The following CHSY3 variants were observed in gnomAD, a reference collection of about 807,000 sequenced individuals.
The protein encoded by CHSY3 is N-acetylgalactosaminyl-proteoglycan 3-beta-glucuronosyltransferase 3.
Under a neutral mutation model 67.2 loss-of-function variants are expected in CHSY3, and 35 were observed. The observed-to-expected ratio is 0.52, with a 90% CI of 0.40 to 0.69. The LOEUF is 0.69. CHSY3 is among the 30% of genes least tolerant of loss of function. CHSY3 has a pLI of 0.00. For missense variants in CHSY3, 1,069 were observed against 1,138.5 expected (o/e 0.94, Z 0.88); for synonymous variants, 474 against 434.7 (o/e 1.09, Z -1.12).
intron 2 of CHSY3, among the ~76,000 whole-genome samples, chr5:130,009,107 C>A (rs902995310): frequency 2.6e-5 from 4 of 152,128 alleles, no homozygotes; most frequent in Non-Finnish European, 5.9e-5. Context: ...TCAGTAAATT[C>A]AGAGAATCCT....
chr5:130,085,492 TTC>T, intron 2 of CHSY3, among the ~76,000 whole-genome samples: 1 of 152,134 alleles, frequency 6.6e-6, no homozygotes, highest in Non-Finnish European at 1.5e-5. Context: ...TATTTGATTC[TTC>T]TCTCTTTTCT....
intron 2 of CHSY3, among the ~76,000 whole-genome samples, chr5:130,149,629 A>G (rs1769176577): frequency 6.6e-6 from 1 of 152,194 alleles, no homozygotes. Context: ...AGGGACAAAC[A>G]TCCAAACTAT....
At chr5:130,123,284 T>C (rs1332275785) in intron 2 of CHSY3, among the ~76,000 whole-genome samples, 1 of 152,222 alleles carries the variant, frequency 6.6e-6, no homozygotes, top group African/African-American at 2.4e-5. Flanking sequence ...CTAATGAATA[T>C]GCTGATTTTT....
In CHSY3 at chr5:129,949,077, C is replaced by T. The variant is rs150642683; in HGVS notation, c.1086+40717C>T. On this transcript the variant is annotated intron_variant, in intron 2 of 2. Transcript: ENST00000305031. ...CTTTTTAATGATAAAAGGACTAGTCCAACAGGAAACTATCACAGTCACATG... is the reference window on the plus strand; with the variant it reads ...CTTTTTAATGATAAAAGGACTAGTCTAACAGGAAACTATCACAGTCACATG... Among the ~76,000 whole-genome samples, 417 of 152,134 alleles carry T rather than the reference C, an allele frequency of 2.7e-3. 1 individual carries two copies. Among genetic ancestry groups the T allele is most frequent in the Non-Finnish European group, 3.9e-3 (262 of 68,004 alleles).
rs142219321 is a variant in CHSY3 at position 130,021,950 on chromosome 5, C to T, written c.1086+113590C>T. ...GTGCCATCTATTGGAAAGATCCATA[C>T]GTAGTCAGATCCATGGAGTACAGGA... is the stretch of plus-strand genomic sequence containing the variant. On this transcript the variant is annotated intron_variant, in intron 2 of 2. Coordinates refer to ENST00000305031, the MANE Select transcript of CHSY3 (RefSeq NM_175856.5). 1.3e-3 allele frequency among the ~76,000 whole-genome samples: 191 copies of T among 152,140 alleles called. 1 individual carries two copies. Among genetic ancestry groups the T allele is most frequent in the Non-Finnish European group, 1.8e-3 (125 of 67,936 alleles).
chr5:130,137,753 C>G (rs1241803567), intron 2 of CHSY3, among the ~76,000 whole-genome samples: 1 of 152,082 alleles, frequency 6.6e-6, no homozygotes, highest in African/African-American at 2.4e-5. Flanking sequence ...ACAGGACAAA[C>G]ATGATGATCA....
chr5:130,011,896 A>T (rs1764072243), intron 2 of CHSY3, among the ~76,000 whole-genome samples: 1 of 152,220 alleles, frequency 6.6e-6, no homozygotes, highest in South Asian at 2.1e-4. Context: ...CTGAGAATAC[A>T]GCTAACCAAG....
At chr5:129,932,103 CATATATATATATATATAT>C (rs33960181) in intron 2 of CHSY3, among the ~76,000 whole-genome samples, 64,588 of 115,494 alleles carry the variant, frequency 0.56, 16,647 homozygotes, top group Middle Eastern at 0.69. Context: ...ACCATAAAAC[CATATATATATATATATAT>C]ATATATATAT....
intron 2 of CHSY3, among the ~76,000 whole-genome samples, chr5:130,051,807 A>G (rs1326570513): frequency 6.6e-6 from 1 of 152,076 alleles, no homozygotes; most frequent in Non-Finnish European, 1.5e-5. Context: ...TTGTGAATGG[A>G]CTTGTAAACC....
At chr5:130,054,010 T>C (rs183578749) in intron 2 of CHSY3, among the ~76,000 whole-genome samples, 1 of 152,332 alleles carries the variant, frequency 6.6e-6, no homozygotes, top group Non-Finnish European at 1.5e-5. Context: ...TTTTGTTCCA[T>C]GCTTGCTTTA....
intron 2 of CHSY3, among the ~76,000 whole-genome samples, chr5:129,909,749 A>C (rs960368351): frequency 6.6e-6 from 1 of 152,060 alleles, no homozygotes; most frequent in African/African-American, 2.4e-5. Context: ...AAAAATATTC[A>C]ATACAGAGAA....
chr5:129,992,731 C>T (rs1763405875), intron 2 of CHSY3, among the ~76,000 whole-genome samples: 1 of 152,142 alleles, frequency 6.6e-6, no homozygotes, highest in Non-Finnish European at 1.5e-5. Flanking sequence ...GTAGTGTTGT[C>T]ACCTTTTGTG....
At chr5:129,924,760 A>C (rs1761043477) in intron 2 of CHSY3, among the ~76,000 whole-genome samples, 1 of 151,868 alleles carries the variant, frequency 6.6e-6, no homozygotes, top group African/African-American at 2.4e-5. Flanking sequence ...AAACCAATTG[A>C]ATTATTGTTT....
chr5:130,180,434 A>T (rs576671297), intron 2 of CHSY3, among the ~76,000 whole-genome samples: 3 of 152,320 alleles, frequency 2.0e-5, no homozygotes, highest in Admixed American at 1.3e-4. Context: ...TTATACAGTT[A>T]TACAATCATT....
At chr5:130,107,812 C>T (rs1475328676) in intron 2 of CHSY3, among the ~76,000 whole-genome samples, 1 of 151,558 alleles carries the variant, frequency 6.6e-6, no homozygotes, top group Non-Finnish European at 1.5e-5. Flanking sequence ...TCTATCCTCT[C>T]CACCCTGCCC....
intron 2 of CHSY3, among the ~76,000 whole-genome samples, chr5:130,063,673 A>G (rs868377846): frequency 1.3e-5 from 2 of 152,298 alleles, no homozygotes; most frequent in African/African-American, 4.8e-5. Flanking sequence ...TTTATAAACA[A>G]TAGAAATTTA....
chr5:130,186,106 T>C lies in CHSY3; in HGVS notation c.*315T>C, dbSNP rs916659883. Reference sequence around the variant, plus strand: ...AACGCATTCATCACAAGAGACAGCTTAGAAGAATGTTCTCTTGGGGCTTAA... The same window carrying C: ...AACGCATTCATCACAAGAGACAGCTCAGAAGAATGTTCTCTTGGGGCTTAA... On this transcript the variant is annotated 3_prime_UTR_variant, in exon 3 of 3. Coordinates refer to ENST00000305031, the MANE Select transcript of CHSY3 (RefSeq NM_175856.5). 1.2e-5 allele frequency: 2 copies of C among 160,898 alleles called. No homozygotes were observed. The highest frequency in any genetic ancestry group is 2.4e-5 in the African/African-American group (1 of 41,824). The allele number at this position is 160,898 out of a possible 1,614,324, so 10.0% of individuals were successfully genotyped here. A position where few individuals can be genotyped will look rare whatever the true frequency, so the allele number is the denominator to read the frequency against.
At chr5:130,166,254 T>C (rs1352921732) in intron 2 of CHSY3, among the ~76,000 whole-genome samples, 1 of 152,194 alleles carries the variant, frequency 6.6e-6, no homozygotes, top group African/African-American at 2.4e-5. Flanking sequence ...AAACTCCATT[T>C]AAACCATTTT....
intron 2 of CHSY3, among the ~76,000 whole-genome samples, chr5:130,073,180 G>C (rs1766141089): frequency 6.6e-6 from 1 of 151,996 alleles, no homozygotes; most frequent in Admixed American, 6.6e-5. Context: ...TAAGTTGATT[G>C]GATGATGTAT....
Sources: gnomAD v4.1 joint callset for allele counts (sites outside exome capture counted in the v4.1 genomes callset) on GRCh38, gnomAD v4.1.1 for gene constraint, MANE v1.5 for transcripts, NCBI Gene and HGNC (gene_info 2026-07-23, HGNC 2026-07-21) for gene names.